The following INTS2 variants were observed in gnomAD, a reference collection of about 807,000 sequenced individuals.
INTS2 encodes KIAA1287.
INTS2 carries 57 observed loss-of-function variants against 139.6 expected under a neutral mutation model. The observed-to-expected ratio is 0.41, with a 90% CI of 0.33 to 0.51. INTS2 has a LOEUF of 0.51. Ranked by LOEUF, INTS2 falls within the 20% of genes least tolerant of loss-of-function variation. INTS2 has a pLI of 0.28. For missense variants in INTS2, 1,196 were observed against 1,436.7 expected, an observed-to-expected ratio of 0.83 and a Z score of 2.71; for synonymous variants, 473 against 493.4, an observed-to-expected ratio of 0.96 and a Z score of 0.55.
At chr17:61,924,850 A>G (rs2079692266) in intron 3 of INTS2, 111 bp downstream of exon 3, 1 of 1,039,516 alleles carries the variant, frequency 9.6e-7, no homozygotes, top group Non-Finnish European at 1.4e-6. Context: ...GAACAAAATA[A>G]GAGTAGAGGA....
Position 61,884,892 on chromosome 17 carries a change from A to T in INTS2, c.2089+9T>A. On this transcript the variant is annotated intron_variant, in intron 16 of 24. Coordinates refer to ENST00000251334, the MANE Select transcript of INTS2 (RefSeq NM_001351695.2). ...AAACTTTAGCAGTAAAAAGCAAAAT[A>T]AAACATACCTCCCAACTCCTGCTGC... The T allele has an allele frequency of 1.9e-6, 3 of 1,566,400 alleles. No individual in the cohort carries two copies. In the South Asian group the frequency reaches 3.5e-5, roughly 18 times the overall value.
In INTS2 at chr17:61,872,860, T is replaced by C. The variant is rs1185657968; in HGVS notation, c.2583-400A>G. ...ATATAAAGATGAAATAAATGGCCAG[T>C]AAATACTGTTAAATGTCCAGTCTAA... On this transcript the variant is annotated intron_variant, in intron 19 of 24. Coordinates refer to ENST00000251334, the MANE Select transcript of INTS2 (RefSeq NM_001351695.2). This position sits in a 1 kb window ranked among gnomAD's most constrained non-coding sequence, Gnocchi z 4.8. Among the ~76,000 whole-genome samples the C allele has an allele frequency of 6.6e-6, 1 of 152,176 alleles. No individual in the cohort carries two copies. Among genetic ancestry groups the C allele is most frequent in the Non-Finnish European group, 1.5e-5 (1 of 68,020 alleles).
chr17:61,901,003 G>A (rs1465958840), intron 9 of INTS2, among the ~76,000 whole-genome samples: 1 of 152,104 alleles, frequency 6.6e-6, no homozygotes, highest in Admixed American at 6.6e-5. Context: ...GGCTGGGTGT[G>A]GTGGCTCACA....
chr17:61,891,611 T>G lies in INTS2; in HGVS notation c.1777A>C (p.Asn593His). ...TTCGACGCAGGAGTAAGTATAGAAT[T>G]TATGTACACATCAATCAAAGGAAGT... ...QLLPLIDVYINSILTPASKSN... is the reference protein window; with the variant it reads ...QLLPLIDVYIHSILTPASKSN... Residue 593 changes from asparagine to histidine, a missense_variant, in exon 14 of 25, where the codon AAT (asparagine) becomes CAT (histidine). By Grantham distance (68) the Asn-to-His change is moderately conservative. Around this residue, in one of 3 missense-constraint regions of INTS2, gnomAD observed 1,129 missense variants for 1,341.9 expected, o/e 0.84. Coordinates refer to ENST00000251334, the MANE Select transcript of INTS2 (RefSeq NM_001351695.2). 6.2e-7 allele frequency: 1 copy of G among 1,613,408 alleles called. No homozygotes were observed. Among genetic ancestry groups the G allele is most frequent in the Non-Finnish European group, 8.5e-7 (1 of 1,179,440 alleles).
intron 5 of INTS2, among the ~76,000 whole-genome samples, chr17:61,916,204 G>C (rs186072781): frequency 1.7e-3 from 266 of 152,214 alleles, no homozygotes; most frequent in African/African-American, 6.0e-3. Flanking sequence ...GTAGGCTGAG[G>C]CGGGCAGACC....
chr17:61,874,255 A>G (rs2079110482), intron 19 of INTS2: 1 of 152,164 alleles, frequency 6.6e-6, no homozygotes, highest in South Asian at 2.1e-4. Context: ...AAGAACATTC[A>G]TTTACCACAC....
chr17:61,923,531 A>T (rs1287359877), intron 3 of INTS2, among the ~76,000 whole-genome samples: 2 of 151,310 alleles, frequency 1.3e-5, no homozygotes, highest in Non-Finnish European at 2.9e-5. Flanking sequence ...AATCCTCTCT[A>T]CCAGTATTTT....
rs2079439266 is a variant in INTS2 at position 61,904,371 on chromosome 17, G to A, written c.1307+89C>T. The A allele has an allele frequency of 7.4e-6, 7 of 943,998 alleles. No homozygotes were observed. In the South Asian group the frequency reaches 1.2e-4, roughly 16 times the overall value. The allele number at this position is 943,998 out of a possible 1,614,324, so 58.5% of individuals were successfully genotyped here. On this transcript the variant is annotated intron_variant, in intron 9 of 24. Coordinates refer to ENST00000251334, the MANE Select transcript of INTS2 (RefSeq NM_001351695.2). The stretch of plus-strand genomic sequence containing the variant: ...ACTGTCCATACCTAGACCAGCTTTT[G>A]TAGAAAACTCTTATCTAATGCTATA...
chr17:61,903,928 T>C (rs903381399), intron 9 of INTS2, among the ~76,000 whole-genome samples: 23 of 151,926 alleles, frequency 1.5e-4, no homozygotes, highest in African/African-American at 5.6e-4. Context: ...AGGTATCAAA[T>C]ACAAACATAT....
chr17:61,923,408 C>T (rs1402639677), intron 3 of INTS2, among the ~76,000 whole-genome samples: 4 of 131,002 alleles, frequency 3.1e-5, no homozygotes, highest in African/African-American at 8.6e-5. Flanking sequence ...ACCCGGGAGG[C>T]GGAGCTTGCA....
chr17:61,903,208 G>C (rs1163595498), intron 9 of INTS2, among the ~76,000 whole-genome samples: 1 of 148,028 alleles, frequency 6.8e-6, no homozygotes, highest in Admixed American at 6.8e-5. Context: ...GAAAGGATAG[G>C]TTTTCTTTTT....
rs765652497 is a variant in INTS2 at position 61,867,741 on chromosome 17, A to G, written c.3422-15T>C. The G allele has an allele frequency of 9.6e-6, 15 of 1,566,574 alleles. No homozygotes were observed. The Middle Eastern group carries it at 5.1e-4, about 53-fold the overall frequency. On this transcript the variant is annotated splice_polypyrimidine_tract_variant and intron_variant, in intron 24 of 24. Transcript: ENST00000251334. This position sits in a 1 kb window ranked among gnomAD's most constrained non-coding sequence, Gnocchi z 5.6. ...TTGTTGAAGACCTACAACATAAGGG[A>G]AAAAAAACATTAAGGCCAAGAAATT... is the stretch of plus-strand genomic sequence containing the variant.
At chr17:61,920,837 T>G (rs1251084124) in intron 4 of INTS2, among the ~76,000 whole-genome samples, 1 of 151,042 alleles carries the variant, frequency 6.6e-6, no homozygotes, top group Non-Finnish European at 1.5e-5. Context: ...CTGGACAGAG[T>G]GCAATGGCAC....
At chr17:61,907,367 G>A in intron 8 of INTS2, 41 bp downstream of exon 8, 9 of 1,481,786 alleles carry the variant, frequency 6.1e-6, no homozygotes, top group South Asian at 1.2e-5. Context: ...GAAACAAGAA[G>A]GTAAAATGAC....
chr17:61,876,466 C>T lies in INTS2; in HGVS notation c.2456+1421G>A, dbSNP rs1295084162. 6.6e-6 allele frequency among the ~76,000 whole-genome samples: 1 copy of T among 151,752 alleles called. No homozygotes were observed. The highest frequency in any genetic ancestry group is 1.5e-5 in the Non-Finnish European group (1 of 67,918). ...CTCCAAGAAAAAAAAAATAGTGTTTCTTTTGTTTTTTTTTGAGACAGGGTT... is the reference window on the plus strand; with the variant it reads ...CTCCAAGAAAAAAAAAATAGTGTTTTTTTTGTTTTTTTTTGAGACAGGGTT... On this transcript the variant is annotated intron_variant, in intron 18 of 24. Transcript: ENST00000251334. The surrounding 1 kb of genome is among the most constrained non-coding windows in gnomAD (Gnocchi z 4.1).
intron 9 of INTS2, among the ~76,000 whole-genome samples, chr17:61,902,160 G>GT (rs907461273): frequency 1.7e-4 from 26 of 152,092 alleles, no homozygotes. Flanking sequence ...CGTAGGATTA[G>GT]TTTTTTATCC....
chr17:61,878,231 C>G (rs1321080716), intron 17 of INTS2, 143 bp from the exon 18 acceptor site: 2 of 609,968 alleles, frequency 3.3e-6, no homozygotes, highest in African/African-American at 1.9e-5. Flanking sequence ...GCTATTGTTT[C>G]CTACAGAAAC....
Position 61,909,823 on chromosome 17 carries a change from A to ACG in INTS2, c.954+1696_954+1697insCG, listed in dbSNP as rs1311962191. Among the ~76,000 whole-genome samples the ACG allele has an allele frequency of 4.0e-3, 557 of 138,872 alleles. 5 individuals carry two copies. Among genetic ancestry groups the ACG allele is most frequent in the Middle Eastern group, 0.011 (3 of 264 alleles). 91.1% of individuals were successfully genotyped at this position (138,872 alleles called of 152,430 possible). ...TATACGTGTGTGTGTACATGTGTGTATGTGTGTGTGTGTGTGTGTGTGTGT... is the reference window on the plus strand; with the variant it reads ...TATACGTGTGTGTGTACATGTGTGTACGTGTGTGTGTGTGTGTGTGTGTGTGT... On this transcript the variant is annotated intron_variant, in intron 7 of 24. Coordinates refer to ENST00000251334, the MANE Select transcript of INTS2 (RefSeq NM_001351695.2). The surrounding 1 kb of genome is among the most constrained non-coding windows in gnomAD (Gnocchi z 4.9).
intron 9 of INTS2, among the ~76,000 whole-genome samples, chr17:61,901,577 CTTTTTTTTTTTTTTTTTTT>C (rs55751869): frequency 0.13 from 6,566 of 49,490 alleles, 396 homozygotes; most frequent in South Asian, 0.45. Context: ...AGAATGATTT[CTTTTTTTTTTTTTTTTTTT>C]TTTTTTTTTT....
Sources: gnomAD v4.1 joint callset for allele counts (sites outside exome capture counted in the v4.1 genomes callset) on GRCh38, gnomAD v4.1.1 for gene constraint, gnomAD v4.1.1 regional missense constraint, Gnocchi (gnomAD v3.1) non-coding constraint, MANE v1.5 for transcripts, NCBI Gene and HGNC (gene_info 2026-07-23, HGNC 2026-07-21) for gene names.